Variants in RBFOX1 observed in about 807,000 individuals in gnomAD.
RBFOX1 encodes RNA binding protein fox-1 homolog 1.
RBFOX1 carries 8 observed loss-of-function variants against 57.7 expected under a neutral mutation model. The observed-to-expected ratio is 0.14, with a 90% CI of 0.08 to 0.25. RBFOX1 has a LOEUF of 0.25. RBFOX1 is among the 10% of genes least tolerant of loss of function. The pLI, the probability that RBFOX1 is intolerant of heterozygous loss-of-function variation, is 1.00. For missense variants in RBFOX1, 611 were observed against 548.5 expected, an observed-to-expected ratio of 1.11 and a Z score of -1.14; for synonymous variants, 326 against 222.4, an observed-to-expected ratio of 1.47 and a Z score of -4.15.
At chr16:6,367,711 A>G (rs1312247618) in intron 2 of RBFOX1, among the ~76,000 whole-genome samples, 2 of 150,578 alleles carry the variant, frequency 1.3e-5, no homozygotes, top group South Asian at 2.1e-4. Context: ...CATGTTTTCT[A>G]TTGTATCTTT....
chr16:6,801,087 A>G (rs980493348), intron 3 of RBFOX1, among the ~76,000 whole-genome samples: 6 of 151,192 alleles, frequency 4.0e-5, no homozygotes, highest in African/African-American at 1.5e-4. Flanking sequence ...AAAAGTGCGG[A>G]TTGCCATTCA....
rs2083762109 is a variant in RBFOX1, at chr16:6,795,349, G to T, written c.-16+140699G>T. ...GTTTCAGGGCTGCTGATGTGCTATT[G>T]CATTTCACCCGAGTCCACAACAAAA... On this transcript the variant is annotated intron_variant, in intron 3 of 15. Coordinates refer to ENST00000550418, the MANE Select transcript of RBFOX1 (RefSeq NM_018723.4). Among the ~76,000 whole-genome samples, 3 of 152,010 alleles carry T rather than the reference G, an allele frequency of 2.0e-5. No homozygotes were observed. The South Asian group carries it at 6.2e-4, about 32-fold the overall frequency.
intron 2 of RBFOX1, among the ~76,000 whole-genome samples, chr16:5,516,184 T>G (rs1002010099): frequency 6.6e-6 from 1 of 152,248 alleles, no homozygotes; most frequent in Non-Finnish European, 1.5e-5. Context: ...GAGTCAAGCT[T>G]GATGGAAAAT....
At chr16:5,920,688 A>G (rs377747652) in intron 4 of RBFOX1, among the ~76,000 whole-genome samples, 17 of 152,320 alleles carry the variant, frequency 1.1e-4, no homozygotes, top group East Asian at 3.9e-4. Context: ...GTGCCCAGGT[A>G]GGATCCTCGT....
At chr16:7,684,906 TTC>T (rs1460395192) in intron 14 of RBFOX1, among the ~76,000 whole-genome samples, 5 of 152,068 alleles carry the variant, frequency 3.3e-5, no homozygotes, top group Admixed American at 1.3e-4. Context: ...TTTCTTCCAT[TTC>T]TGTCTCCCAA....
At chr16:6,958,118 C>G (rs1276767088) in intron 3 of RBFOX1, among the ~76,000 whole-genome samples, 4 of 152,004 alleles carry the variant, frequency 2.6e-5, no homozygotes, top group Non-Finnish European at 5.9e-5. Context: ...AAATGGGTGA[C>G]CGGATTTTGC....
At chr16:6,478,100 A>G (rs1214371033) in intron 2 of RBFOX1, among the ~76,000 whole-genome samples, 2 of 152,060 alleles carry the variant, frequency 1.3e-5, no homozygotes, top group Non-Finnish European at 2.9e-5. Context: ...ACCAGCAACA[A>G]GGCTCTTTTA....
chr16:6,899,558 C>G (rs916477420), intron 3 of RBFOX1, among the ~76,000 whole-genome samples: 2 of 152,198 alleles, frequency 1.3e-5, no homozygotes, highest in African/African-American at 4.8e-5. Flanking sequence ...TAGATTACAA[C>G]TCCATCTCTC....
chr16:6,916,279 T>G (rs558762087), intron 3 of RBFOX1, among the ~76,000 whole-genome samples: 3 of 152,188 alleles, frequency 2.0e-5, no homozygotes, highest in Non-Finnish European at 2.9e-5. Flanking sequence ...CACTGTTGTT[T>G]CCACAGGATA....
intron 12 of RBFOX1, among the ~76,000 whole-genome samples, chr16:7,655,755 T>C (rs2066147403): frequency 6.6e-6 from 1 of 152,218 alleles, no homozygotes; most frequent in Admixed American, 6.5e-5. Flanking sequence ...TGAAGGGTTT[T>C]AGTATATCTA....
chr16:7,687,093 A>C (rs2076228154), intron 14 of RBFOX1, among the ~76,000 whole-genome samples: 1 of 152,108 alleles, frequency 6.6e-6, no homozygotes, highest in South Asian at 2.1e-4. Flanking sequence ...AGATAGGTGT[A>C]GGACCTTTGA....
At chr16:6,443,055 T>C (rs1442916677) in intron 2 of RBFOX1, among the ~76,000 whole-genome samples, 1 of 152,196 alleles carries the variant, frequency 6.6e-6, no homozygotes, top group Non-Finnish European at 1.5e-5. Flanking sequence ...TTGGAAATAT[T>C]GCTTTAATAC....
chr16:6,746,588 G>A (rs1487085665), intron 3 of RBFOX1, among the ~76,000 whole-genome samples: 2 of 151,942 alleles, frequency 1.3e-5, no homozygotes, highest in African/African-American at 4.8e-5. Flanking sequence ...TGAACTGGGG[G>A]GATCACCTGA....
chr16:7,545,830 C>T (rs913168125), intron 5 of RBFOX1, among the ~76,000 whole-genome samples: 1 of 152,070 alleles, frequency 6.6e-6, no homozygotes, highest in Non-Finnish European at 1.5e-5. Context: ...ATCATCAAGT[C>T]ACAGACATCC....
intron 4 of RBFOX1, among the ~76,000 whole-genome samples, chr16:5,922,266 C>G (rs199831405): frequency 6.6e-6 from 1 of 152,114 alleles, no homozygotes; most frequent in Non-Finnish European, 1.5e-5. Context: ...GGATCCATCC[C>G]CATGATTCAA....
At chr16:7,528,619 A>C (rs900342611) in intron 5 of RBFOX1, among the ~76,000 whole-genome samples, 6 of 152,148 alleles carry the variant, frequency 3.9e-5, no homozygotes, top group Non-Finnish European at 8.8e-5. Flanking sequence ...TGAGCTCAGT[A>C]GCTCAGTACT....
At chr16:6,559,827 G>A (rs983996175) in intron 2 of RBFOX1, among the ~76,000 whole-genome samples, 4 of 152,100 alleles carry the variant, frequency 2.6e-5, no homozygotes, top group African/African-American at 9.7e-5. Flanking sequence ...ACAAACTGAA[G>A]TTGTTCCCTG....
chr16:7,502,631 C>T (rs1457705439), intron 4 of RBFOX1, among the ~76,000 whole-genome samples: 1 of 151,974 alleles, frequency 6.6e-6, no homozygotes, highest in Non-Finnish European at 1.5e-5. Flanking sequence ...TTTTAGGGTA[C>T]ATGTGCACAT....
chr16:7,627,497 A>T (rs1055185204), intron 10 of RBFOX1, among the ~76,000 whole-genome samples: 2 of 152,204 alleles, frequency 1.3e-5, no homozygotes, highest in African/African-American at 4.8e-5. Context: ...ATACAAATGA[A>T]GGTTCCTGGC....
Sources: allele counts gnomAD v4.1 joint callset (sites outside exome capture counted in the v4.1 genomes callset), GRCh38; gene constraint gnomAD v4.1.1; transcripts MANE v1.5; gene names NCBI Gene and HGNC (gene_info 2026-07-23, HGNC 2026-07-21).